The following KCNQ1 variants were observed in gnomAD, a reference collection of about 807,000 sequenced individuals.
The protein encoded by KCNQ1 is potassium voltage-gated channel subfamily Q member 1, also known as potassium voltage-gated channel subfamily KQT member 1.
Under a neutral mutation model 72.4 loss-of-function variants are expected in KCNQ1, and 49 were observed. The observed-to-expected ratio is 0.68, with a 90% CI of 0.54 to 0.86. KCNQ1 has a LOEUF of 0.86. Ranked by LOEUF, KCNQ1 falls within the 40% of genes least tolerant of loss-of-function variation. The pLI, the probability that KCNQ1 is intolerant of heterozygous loss-of-function variation, is 0.00. For missense variants in KCNQ1, 790 were observed against 945.1 expected (o/e 0.84, Z 2.15); for synonymous variants, 450 against 412.6 (o/e 1.09, Z -1.10).
rs1050198132 is a variant in KCNQ1 at position 2,734,949 on chromosome 11, CAT to C, written c.1515-33894_1515-33893del. On this transcript the variant is annotated intron_variant, in intron 11 of 15. Transcript: ENST00000155840. This position sits in a 1 kb window ranked among gnomAD's most constrained non-coding sequence, Gnocchi z 7.0. ...GCCAGCAGCATGTTCCAGTGCGACA[CAT>C]GTGCCCCGGAGTGGCCGCGTGCCCA... Among the ~76,000 whole-genome samples, 2 of 152,040 alleles carry C rather than the reference CAT, an allele frequency of 1.3e-5. No homozygotes were observed. The highest frequency in any genetic ancestry group is 4.8e-5 in the African/African-American group (2 of 41,416).
chr11:2,841,328 G>A (rs1378252487), intron 15 of KCNQ1, among the ~76,000 whole-genome samples: 2 of 152,182 alleles, frequency 1.3e-5, no homozygotes, highest in Non-Finnish European at 2.9e-5. Flanking sequence ...TGGGAATTCT[G>A]CAGAAGGATT....
At chr11:2,650,500 C>T (rs1465019612) in intron 10 of KCNQ1, 1 of 398,566 alleles carries the variant, frequency 2.5e-6, no homozygotes, top group Non-Finnish European at 4.4e-6. Context: ...GGTGTCTCTA[C>T]AATTAATTAG....
intron 11 of KCNQ1, chr11:2,667,117 G>A (rs1052953939): frequency 2.3e-5 from 9 of 398,550 alleles, no homozygotes; most frequent in Admixed American, 1.8e-4. Flanking sequence ...AGGCGTAATG[G>A]CTCAGTGGGA....
rs770867573 is a variant in KCNQ1, at chr11:2,690,639, G to A, written c.1514+28558G>A. 4.0e-5 allele frequency: 16 copies of A among 398,532 alleles called. No individual in the cohort carries two copies. Among genetic ancestry groups the A allele is most frequent in the Admixed American group, 4.0e-4 (9 of 22,718 alleles). 24.7% of individuals were successfully genotyped at this position (398,532 alleles called of 1,614,324 possible). Reference sequence around the variant, plus strand: ...CATGTTCATATATGTGTCAGAATGCGTATTTGTCAGTGTATGTGTGTCAGT... The same window carrying A: ...CATGTTCATATATGTGTCAGAATGCATATTTGTCAGTGTATGTGTGTCAGT... On this transcript the variant is annotated intron_variant, in intron 11 of 15. Coordinates refer to ENST00000155840, the MANE Select transcript of KCNQ1 (RefSeq NM_000218.3). The surrounding 1 kb of genome is among the most constrained non-coding windows in gnomAD (Gnocchi z 5.1).
Position 2,508,035 on chromosome 11 carries a change from T to G in KCNQ1, c.387-19893T>G, listed in dbSNP as rs1420443624. Among the ~76,000 whole-genome samples, 1 of 152,048 alleles carries G rather than the reference T, an allele frequency of 6.6e-6. No homozygotes were observed. The highest frequency in any genetic ancestry group is 1.5e-5 in the Non-Finnish European group (1 of 67,974). ...GGGTCCCAGCCCCGTACATGGAGGC[T>G]GGGACCCTGCCCTGAAACCTCTCAG... On this transcript the variant is annotated intron_variant, in intron 1 of 15. Coordinates refer to ENST00000155840, the MANE Select transcript of KCNQ1 (RefSeq NM_000218.3). The surrounding 1 kb of genome is among the most constrained non-coding windows in gnomAD (Gnocchi z 6.2).
Position 2,764,198 on chromosome 11 carries a change from CT to C in KCNQ1, c.1515-4634del, listed in dbSNP as rs35181224. The stretch of plus-strand genomic sequence containing the variant: ...TGGGTTTTTTTGTTTTAGTTTTTGT[CT>C]TTTTTTTTTTTAGGTAATGGAGTTT... On this transcript the variant is annotated intron_variant, in intron 11 of 15. Coordinates refer to ENST00000155840, the MANE Select transcript of KCNQ1 (RefSeq NM_000218.3). This position sits in a 1 kb window ranked among gnomAD's most constrained non-coding sequence, Gnocchi z 4.8. 0.2 allele frequency among the ~76,000 whole-genome samples: 28,992 copies of C among 144,252 alleles called. 2,975 individuals carry two copies. The highest frequency in any genetic ancestry group is 0.3 in the Admixed American group (4,404 of 14,646). The allele number at this position is 144,252 out of a possible 152,430, so 94.6% of individuals were successfully genotyped here.
In KCNQ1 at chr11:2,566,178, G is replaced by A. The variant is rs1229860761; in HGVS notation, c.478-4450G>A. On this transcript the variant is annotated intron_variant, in intron 2 of 15. Coordinates refer to ENST00000155840, the MANE Select transcript of KCNQ1 (RefSeq NM_000218.3). The surrounding 1 kb of genome is among the most constrained non-coding windows in gnomAD (Gnocchi z 6.7). ...CCCAGGGCCACTTTTGCAGCCTGGT[G>A]TCCTTATCTCATGTCTGGGTCCCCT... is the stretch of plus-strand genomic sequence containing the variant. Among the ~76,000 whole-genome samples the A allele has an allele frequency of 2.0e-5, 3 of 152,162 alleles. No homozygotes were observed. In the East Asian group the frequency reaches 5.8e-4, roughly 29 times the overall value.
In KCNQ1 at chr11:2,652,215, G is replaced by C. The variant is rs140770541; in HGVS notation, c.1394-9746G>C. On this transcript the variant is annotated intron_variant, in intron 10 of 15. Transcript: ENST00000155840. This position sits in a 1 kb window ranked among gnomAD's most constrained non-coding sequence, Gnocchi z 5.9. ...GATTTGGTAGCCAGGGCCTGGAGCCGGATGCTGAGAATGAGGCCTGCAACT... is the reference window on the plus strand; with the variant it reads ...GATTTGGTAGCCAGGGCCTGGAGCCCGATGCTGAGAATGAGGCCTGCAACT... 1.7e-3 allele frequency: 665 copies of C among 398,608 alleles called. 12 individuals carry two copies. The East Asian group carries it at 0.023, about 14-fold the overall frequency. The allele number at this position is 398,608 out of a possible 1,614,324, so 24.7% of individuals were successfully genotyped here. A position where few individuals can be genotyped will look rare whatever the true frequency, so the allele number is the denominator to read the frequency against.
intron 14 of KCNQ1, 45 bp downstream of exon 14, chr11:2,777,077 G>T (rs1341751016): frequency 1.3e-6 from 2 of 1,590,414 alleles, no homozygotes; most frequent in Middle Eastern, 1.7e-4. Flanking sequence ...GCCTGCAATG[G>T]ACTCTCCCGC....
chr11:2,551,117 C>T (rs1847976784), intron 2 of KCNQ1, among the ~76,000 whole-genome samples: 1 of 152,098 alleles, frequency 6.6e-6, no homozygotes, highest in Non-Finnish European at 1.5e-5. Context: ...TTAGGTTTGT[C>T]GAGGTTTAAG....
At chr11:2,474,455 G>T (rs1173974680) in intron 1 of KCNQ1, among the ~76,000 whole-genome samples, 1 of 152,196 alleles carries the variant, frequency 6.6e-6, no homozygotes. Flanking sequence ...AACAGCAGCC[G>T]CCAGATGATG....
In KCNQ1 at chr11:2,816,049, G is replaced by A. The variant is rs1190808550; in HGVS notation, c.1795-31718G>A. 6.6e-6 allele frequency among the ~76,000 whole-genome samples: 1 copy of A among 152,226 alleles called. No individual in the cohort carries two copies. The highest frequency in any genetic ancestry group is 1.5e-5 in the Non-Finnish European group (1 of 68,048). ...GGTGAGGGCTCCGTTAGATGAATGT[G>A]GACGGCTGGCGGCCGGGGCTTGGGA... On this transcript the variant is annotated intron_variant, in intron 15 of 15. Coordinates refer to ENST00000155840, the MANE Select transcript of KCNQ1 (RefSeq NM_000218.3). This position sits in a 1 kb window ranked among gnomAD's most constrained non-coding sequence, Gnocchi z 6.8.
chr11:2,805,192 C>T (rs1440743669), intron 15 of KCNQ1, among the ~76,000 whole-genome samples: 1 of 152,150 alleles, frequency 6.6e-6, no homozygotes, highest in Non-Finnish European at 1.5e-5. Flanking sequence ...CTAGAAGACG[C>T]AGGGGTGGTT....
At chr11:2,554,820 C>T (rs1490715567) in intron 2 of KCNQ1, among the ~76,000 whole-genome samples, 5 of 152,314 alleles carry the variant, frequency 3.3e-5, no homozygotes, top group East Asian at 1.9e-4. Flanking sequence ...CACATATTAG[C>T]TCTTAAAACA....
chr11:2,646,948 C>T (rs1849675781), intron 10 of KCNQ1: 1 of 398,612 alleles, frequency 2.5e-6, no homozygotes, highest in Admixed American at 4.4e-5. Context: ...GACAATATGA[C>T]ATTCTCTTTT....
intron 2 of KCNQ1, among the ~76,000 whole-genome samples, chr11:2,533,850 G>A (rs1380177673): frequency 6.6e-6 from 1 of 152,228 alleles, no homozygotes; most frequent in Non-Finnish European, 1.5e-5. Context: ...GCACTCAAAA[G>A]CACAACACAA....
intron 15 of KCNQ1, among the ~76,000 whole-genome samples, chr11:2,810,969 C>G (rs1217895391): frequency 1.3e-5 from 2 of 152,222 alleles, no homozygotes; most frequent in Non-Finnish European, 2.9e-5. Flanking sequence ...TGCTGTGGGC[C>G]TGATGTGTGC....
chr11:2,560,809 G>T (rs897416114), intron 2 of KCNQ1, among the ~76,000 whole-genome samples: 1 of 152,056 alleles, frequency 6.6e-6, no homozygotes, highest in Non-Finnish European at 1.5e-5. Context: ...ACTTTAGGGC[G>T]CTCTGGGTGG....
In KCNQ1 at chr11:2,824,956, G is replaced by A. The variant is rs935071012; in HGVS notation, c.1795-22811G>A. Among the ~76,000 whole-genome samples, 11 of 152,350 alleles carry A rather than the reference G, an allele frequency of 7.2e-5. No individual in the cohort carries two copies. The highest frequency in any genetic ancestry group is 1.9e-4 in the East Asian group (1 of 5,180). On this transcript the variant is annotated intron_variant, in intron 15 of 15. Transcript: ENST00000155840. The surrounding 1 kb of genome is among the most constrained non-coding windows in gnomAD (Gnocchi z 5.9). ...TCAGTGACTGGGCAAGGACAGGGGCGTTTGGACAGGGGAGGCCGGGTGTGG... is the reference window on the plus strand; with the variant it reads ...TCAGTGACTGGGCAAGGACAGGGGCATTTGGACAGGGGAGGCCGGGTGTGG...
Sources: allele counts gnomAD v4.1 joint callset (sites outside exome capture counted in the v4.1 genomes callset), GRCh38; gene constraint gnomAD v4.1.1; non-coding constraint Gnocchi (gnomAD v3.1); transcripts MANE v1.5; gene names NCBI Gene and HGNC (gene_info 2026-07-23, HGNC 2026-07-21).